The following GCSAML variants were observed in gnomAD, a reference collection of about 807,000 sequenced individuals.
The protein encoded by GCSAML is germinal center associated signaling and motility like, also known as germinal center-associated signaling and motility-like protein.
A neutral mutation model predicts 13.0 loss-of-function variants in GCSAML; 9 were observed. That is an observed-to-expected ratio of 0.69 (90% CI 0.42 to 1.21). The LOEUF (loss-of-function observed/expected upper bound fraction) is 1.21. Ranked by LOEUF, GCSAML falls within the 50% of genes most tolerant of loss-of-function variation. The pLI is 0.00. For missense variants in GCSAML, 143 were observed against 153.4 expected (o/e 0.93, Z 0.36); for synonymous variants, 37 against 52.9 (o/e 0.70, Z 1.31).
intron 4 of GCSAML, among the ~76,000 whole-genome samples, chr1:247,567,569 G>T (rs927201024): frequency 2.0e-5 from 3 of 152,154 alleles, no homozygotes; most frequent in African/African-American, 7.2e-5. Flanking sequence ...TCTTTATCCA[G>T]TCTAACATTG....
upstream of GCSAML, among the ~76,000 whole-genome samples, chr1:247,545,590 C>T (rs531567036): frequency 1.3e-5 from 2 of 152,218 alleles, no homozygotes; most frequent in African/African-American, 4.8e-5. Flanking sequence ...GGTATGAGAG[C>T]CCTCATCGTG....
chr1:247,514,526 G>C (rs1318762494), intron 1 of GCSAML, among the ~76,000 whole-genome samples: 3 of 152,096 alleles, frequency 2.0e-5, no homozygotes, highest in Non-Finnish European at 4.4e-5. Flanking sequence ...TTAGGTTCTT[G>C]GTCATGAAGT....
intron 1 of GCSAML, among the ~76,000 whole-genome samples, chr1:247,516,064 A>AG (rs1666199517): frequency 6.6e-6 from 1 of 152,170 alleles, no homozygotes. Flanking sequence ...AGAGGAAGGC[A>AG]GGGTGGTACA....
At position 247,577,430 on chromosome 1, in the gene GCSAML, C is replaced by A. The variant is rs1668877176; in HGVS notation, c.*3048C>A. 1 of 152,182 alleles carries A rather than the reference C, an allele frequency of 6.6e-6. No homozygotes were observed. Among genetic ancestry groups the A allele is most frequent in the Non-Finnish European group, 1.5e-5 (1 of 68,042 alleles). The allele number at this position is 152,182 out of a possible 1,614,324, so 9.4% of individuals were successfully genotyped here. ...AATGATCTGCTTCGTATAATTATAA[C>A]TGTTCTAGATATTTGTAGCAATGTA... On this transcript the variant is annotated 3_prime_UTR_variant, in exon 5 of 5. Coordinates refer to ENST00000366488, the MANE Select transcript of GCSAML (RefSeq NM_145278.5).
At chr1:247,522,085 G>A (rs1467623970) in intron 1 of GCSAML, among the ~76,000 whole-genome samples, 2 of 151,628 alleles carry the variant, frequency 1.3e-5, no homozygotes, top group African/African-American at 2.4e-5. Flanking sequence ...TCTGAGAAGT[G>A]AGGAGCCCCT....
intron 2 of GCSAML, among the ~76,000 whole-genome samples, chr1:247,537,044 C>T (rs75968931): frequency 0.018 from 2,779 of 152,256 alleles, 85 homozygotes; most frequent in African/African-American, 0.059. Flanking sequence ...TTTCACAAGA[C>T]TGTACCATCA....
rs768814265 is a variant in GCSAML at position 247,549,211 on chromosome 1, G to A, written c.20G>A (p.Arg7Gln). Residue 7 changes from arginine to glutamine, a missense_variant, in exon 1 of 5, where the codon CGA becomes CAA. By Grantham distance (43) the Arg-to-Gln change is conservative (BLOSUM62 1). Coordinates refer to ENST00000366488, the MANE Select transcript of GCSAML (RefSeq NM_145278.5). The part of the protein sequence containing the change: MGNYLL[R>Q]KLSCLGENQK... Reference sequence around the variant, plus strand: ...GAAAAGATGGGAAATTATCTCCTGCGAAAACTCAGGTGAGTCTTGACTCTT... The same window carrying A: ...GAAAAGATGGGAAATTATCTCCTGCAAAAACTCAGGTGAGTCTTGACTCTT... 5 of 1,613,992 alleles carry A rather than the reference G, an allele frequency of 3.1e-6. No homozygotes were observed. The highest frequency in any genetic ancestry group is 2.2e-5 in the East Asian group (1 of 44,876).
chr1:247,562,737 C>T (rs188675740), intron 2 of GCSAML, among the ~76,000 whole-genome samples: 26 of 152,292 alleles, frequency 1.7e-4, no homozygotes, highest in Admixed American at 5.9e-4. Context: ...AACCCCATCT[C>T]CTCCCTACCG....
intron 2 of GCSAML, chr1:247,528,404 C>T (rs1178235998): frequency 6.6e-6 from 1 of 152,142 alleles, no homozygotes; most frequent in Non-Finnish European, 1.5e-5. Flanking sequence ...AAAATCCTGT[C>T]TTCACAACAT....
At chr1:247,510,815 G>A (rs1377304849) in intron 1 of GCSAML, among the ~76,000 whole-genome samples, 1 of 152,204 alleles carries the variant, frequency 6.6e-6, no homozygotes, top group East Asian at 1.9e-4. Flanking sequence ...CTTTGAGTGA[G>A]TTTCCTAATC....
intron 1 of GCSAML, among the ~76,000 whole-genome samples, chr1:247,518,098 C>T (rs1180393509): frequency 6.6e-6 from 1 of 152,214 alleles, no homozygotes; most frequent in African/African-American, 2.4e-5. Flanking sequence ...GCTAGTTAAC[C>T]GCGGGGGCTC....
At chr1:247,523,881 TA>T (rs1203340533) in intron 1 of GCSAML, among the ~76,000 whole-genome samples, 2 of 152,112 alleles carry the variant, frequency 1.3e-5, no homozygotes, top group African/African-American at 4.8e-5. Context: ...AATTTGCACA[TA>T]TATGAAATTT....
chr1:247,532,574 G>T, intron 2 of GCSAML: 1 of 1,470,700 alleles, frequency 6.8e-7, no homozygotes, highest in Non-Finnish European at 9.3e-7. Context: ...CAGGGCATGA[G>T]ACATGAAGCA....
chr1:247,548,605 CTAACGTTG>C (rs1411363976), upstream of GCSAML, among the ~76,000 whole-genome samples: 1 of 152,104 alleles, frequency 6.6e-6, no homozygotes, highest in East Asian at 1.9e-4. This position sits in a 1 kb window ranked among gnomAD's most constrained non-coding sequence, Gnocchi z 5.3. Context: ...AATTTTATTT[CTAACGTTG>C]TTTTTTTCTT....
chr1:247,567,874 TG>T (rs1351388459), intron 4 of GCSAML, among the ~76,000 whole-genome samples: 1 of 152,224 alleles, frequency 6.6e-6, no homozygotes, highest in Non-Finnish European at 1.5e-5. Context: ...CCATTCTAAC[TG>T]GCATGAGATG....
chr1:247,573,221 A>G (rs956820900), intron 4 of GCSAML, among the ~76,000 whole-genome samples: 3 of 152,280 alleles, frequency 2.0e-5, no homozygotes, highest in African/African-American at 7.2e-5. Flanking sequence ...TGAGGTATGA[A>G]AAAAACTCCT....
chr1:247,568,928 C>G (rs1668490478), intron 4 of GCSAML, among the ~76,000 whole-genome samples: 1 of 151,886 alleles, frequency 6.6e-6, no homozygotes, highest in Non-Finnish European at 1.5e-5. Context: ...ATTTTATTCT[C>G]TTTGTATTGT....
chr1:247,532,871 G>A (rs55852476), intron 2 of GCSAML, among the ~76,000 whole-genome samples: 32,830 of 94,838 alleles, frequency 0.35, 4,129 homozygotes, highest in African/African-American at 0.46. Flanking sequence ...ATAAAAGACT[G>A]GGTGGGGGGT....
chr1:247,528,303 G>C (rs1666765460), intron 2 of GCSAML: 1 of 148,214 alleles, frequency 6.7e-6, no homozygotes, highest in African/African-American at 2.5e-5. Flanking sequence ...ATGATGTTTT[G>C]ATACATGTAT....
Sources: allele counts gnomAD v4.1 joint callset (sites outside exome capture counted in the v4.1 genomes callset), GRCh38; gene constraint gnomAD v4.1.1; non-coding constraint Gnocchi (gnomAD v3.1); transcripts MANE v1.5; gene names NCBI Gene and HGNC (gene_info 2026-07-23, HGNC 2026-07-21).